The following POLN variants were observed in gnomAD, a reference collection of about 807,000 sequenced individuals.
POLN encodes the protein DNA polymerase nu.
In POLN, 108 loss-of-function variants were observed where a neutral mutation model predicts 113.5. That is an observed-to-expected ratio of 0.95 (90% CI 0.81 to 1.12). The LOEUF (loss-of-function observed/expected upper bound fraction) is 1.12. POLN is among the 50% of genes most tolerant of loss of function. POLN has a pLI of 0.00. For synonymous variants in POLN, 386 were observed against 391.5 expected, an observed-to-expected ratio of 0.99 and a Z score of 0.17; for missense variants, 1,097 against 1,077.1, an observed-to-expected ratio of 1.02 and a Z score of -0.26.
Position 2,127,306 on chromosome 4 carries a change from C to G in POLN, c.1982+807G>C, listed in dbSNP as rs1405975275. Among the ~76,000 whole-genome samples the G allele has an allele frequency of 2.6e-5, 4 of 152,110 alleles. No homozygotes were observed. The highest frequency in any genetic ancestry group is 9.7e-5 in the African/African-American group (4 of 41,418). On this transcript the variant is annotated intron_variant, in intron 19 of 25. Coordinates refer to ENST00000511885, the MANE Select transcript of POLN (RefSeq NM_181808.4). The surrounding 1 kb of genome is among the most constrained non-coding windows in gnomAD (Gnocchi z 4.7). The stretch of plus-strand genomic sequence containing the variant: ...CCCCCTCCCCTTCCTCAAAGGGGCA[C>G]TGATGCACCCGGCCCGGTGAACACC...
At chr4:2,180,382 GAATTGTGCCATACAA>G (rs1302888642) in intron 7 of POLN, among the ~76,000 whole-genome samples, 2 of 152,110 alleles carry the variant, frequency 1.3e-5, no homozygotes, top group African/African-American at 4.8e-5. Context: ...TTAAAATTTT[GAATTGTGCCATACAA>G]AAGTAAGGAG....
At chr4:2,084,875 T>C (rs1404917761) in intron 21 of POLN, among the ~76,000 whole-genome samples, 3 of 152,234 alleles carry the variant, frequency 2.0e-5, no homozygotes, top group Admixed American at 6.5e-5. Flanking sequence ...ATTTCATTAA[T>C]TTCTGCTCTC....
intron 24 of POLN, 77 bp from the exon 25 acceptor site, chr4:2,073,106 C>A: frequency 2.8e-6 from 4 of 1,446,478 alleles, no homozygotes; most frequent in African/African-American, 1.4e-5. Context: ...AGAGAACTTT[C>A]AGGCCCGAGT....
chr4:2,147,857 G>A (rs1732187666), intron 16 of POLN, among the ~76,000 whole-genome samples: 1 of 151,892 alleles, frequency 6.6e-6, no homozygotes, highest in South Asian at 2.1e-4. Flanking sequence ...TGGTCAGGCT[G>A]GTCTCGATCT....
intron 13 of POLN, among the ~76,000 whole-genome samples, chr4:2,166,865 C>A (rs1391228786): frequency 6.6e-6 from 1 of 152,112 alleles, no homozygotes; most frequent in Non-Finnish European, 1.5e-5. Flanking sequence ...TTGAAGAAGG[C>A]CTATCGTGGG....
rs1730537345 is a variant in POLN, at chr4:2,085,821, T to G, written c.2066-77A>C. 54 of 1,582,018 alleles carry G rather than the reference T, an allele frequency of 3.4e-5. No homozygotes were observed. In the South Asian group the frequency reaches 6.1e-4, roughly 18 times the overall value. On this transcript the variant is annotated intron_variant, in intron 20 of 25. Transcript: ENST00000511885. ...GTGTGCATGGGCTCAGTGAGTCAGG[T>G]CCAGCTGGCAGCACTGGTCTTTTCT...
intron 4 of POLN, 119 bp downstream of exon 4, chr4:2,212,928 C>CTTTT: frequency 1.1e-5 from 5 of 455,022 alleles, no homozygotes; most frequent in South Asian, 1.4e-4. Flanking sequence ...AAGAACGCCT[C>CTTTT]TTTTTTTTTT....
At chr4:2,163,529 A>G (rs1330137240) in intron 13 of POLN, among the ~76,000 whole-genome samples, 1 of 152,196 alleles carries the variant, frequency 6.6e-6, no homozygotes, top group African/African-American at 2.4e-5. Flanking sequence ...TGCAGACACC[A>G]CATTCGTCTG....
chr4:2,181,602 AAGAC>A (rs1363051985), intron 7 of POLN, among the ~76,000 whole-genome samples: 2 of 152,224 alleles, frequency 1.3e-5, no homozygotes, highest in Non-Finnish European at 2.9e-5. Context: ...ATAAATATGA[AAGAC>A]AGACAAGAAG....
chr4:2,136,516 T>A (rs1275871356), intron 16 of POLN, among the ~76,000 whole-genome samples: 12 of 152,214 alleles, frequency 7.9e-5, no homozygotes, highest in Admixed American at 7.8e-4. Flanking sequence ...TTTTTGCAAA[T>A]AAGAGAACTG....
At chr4:2,207,264 G>C (rs147006571) in intron 5 of POLN, among the ~76,000 whole-genome samples, 1,698 of 152,222 alleles carry the variant, frequency 0.011, 21 homozygotes, top group Middle Eastern at 0.02. Context: ...GGTGGGAAGG[G>C]GGTGAGGGAT....
At chr4:2,155,844 AT>A (rs200828391) in intron 16 of POLN, among the ~76,000 whole-genome samples, 12 of 149,620 alleles carry the variant, frequency 8.0e-5, no homozygotes, top group Admixed American at 6.0e-4. Flanking sequence ...AAAAAATTGT[AT>A]TTTTTTTTTG....
chr4:2,217,892 C>T (rs1235215595), intron 3 of POLN, among the ~76,000 whole-genome samples: 1 of 152,222 alleles, frequency 6.6e-6, no homozygotes, highest in East Asian at 1.9e-4. Context: ...CTCCCTAAAC[C>T]CAGAGATGCC....
intron 3 of POLN, among the ~76,000 whole-genome samples, chr4:2,225,330 G>GGAT (rs1389855488): frequency 2.6e-5 from 4 of 152,074 alleles, no homozygotes; most frequent in Non-Finnish European, 4.4e-5. Flanking sequence ...CGAGGTGGGT[G>GGAT]GATCACTTGA....
At position 2,198,692 on chromosome 4, in the gene POLN, A is replaced by G; in HGVS notation, c.740T>C (p.Ile247Thr). The change falls in exon 6 of 26, where the codon ATT (isoleucine) becomes ACT (threonine). Residue 247 changes from isoleucine to threonine, a missense_variant. Ile to Thr is a moderately conservative substitution (Grantham distance 89). Coordinates refer to ENST00000511885, the MANE Select transcript of POLN (RefSeq NM_181808.4). ...DQTPVSSVRG[I>T]VVLVKRQAEG... ...TGCTTGGCGTTTTACTAACACCACA[A>G]TTCCTCTAACAGAAGAAACGGGGGT... 6.2e-7 allele frequency: 1 copy of G among 1,611,516 alleles called. No individual in the cohort carries two copies. Among genetic ancestry groups the G allele is most frequent in the Non-Finnish European group, 8.5e-7 (1 of 1,179,016 alleles).
At chr4:2,228,408 A>G (rs1488167220) in intron 3 of POLN, 2 of 256,550 alleles carry the variant, frequency 7.8e-6, no homozygotes, top group African/African-American at 2.6e-5. Flanking sequence ...TGGAGACCTC[A>G]GCTCACTGCA....
At chr4:2,072,909 T>C in intron 25 of POLN, 59 bp downstream of exon 25, 2 of 1,568,180 alleles carry the variant, frequency 1.3e-6, no homozygotes, top group South Asian at 1.1e-5. Flanking sequence ...GCCCTGGGGG[T>C]GCTGGCCTCC....
chr4:2,129,248 CT>C lies in POLN; in HGVS notation c.1797del (p.Asp600ThrfsTer21). The C allele has an allele frequency of 3.2e-6, 5 of 1,586,394 alleles. No homozygotes were observed. Among genetic ancestry groups the C allele is most frequent in the Non-Finnish European group, 4.3e-6 (5 of 1,155,120 alleles). On this transcript the variant is annotated frameshift_variant, in exon 18 of 26. Coordinates refer to ENST00000511885, the MANE Select transcript of POLN (RefSeq NM_181808.4). LOFTEE classifies it high-confidence loss of function. ...ITTPKNFKGK[E>X]DKILTISPRA... The stretch of plus-strand genomic sequence containing the variant: ...CTCGGGGAGATCGTGAGAATCTTGT[CT>C]TCTTTACCTGAATTGTTATTTCAAG...
intron 2 of POLN, chr4:2,240,982 G>C: frequency 6.9e-7 from 1 of 1,454,944 alleles, no homozygotes; most frequent in Non-Finnish European, 9.3e-7. Context: ...TATCTGATAT[G>C]GGTTTACGGT....
Sources: allele counts gnomAD v4.1 joint callset (sites outside exome capture counted in the v4.1 genomes callset), GRCh38; gene constraint gnomAD v4.1.1; non-coding constraint Gnocchi (gnomAD v3.1); transcripts MANE v1.5; gene names NCBI Gene and HGNC (gene_info 2026-07-23, HGNC 2026-07-21).